LRP5: variants seen among roughly 807,000 people sequenced by gnomAD.
LRP5 encodes low-density lipoprotein receptor-related protein 5.
In LRP5, 62 loss-of-function variants were observed where a neutral mutation model predicts 154.1. That is an observed-to-expected ratio of 0.40 (90% CI 0.33 to 0.50). The LOEUF is 0.50. LRP5 is among the 20% of genes least tolerant of loss of function. The pLI, the probability that LRP5 is intolerant of heterozygous loss-of-function variation, is 0.55. For missense variants in LRP5, 1,915 were observed against 2,336.7 expected (o/e 0.82, Z 3.72); for synonymous variants, 966 against 1,011.5 (o/e 0.96, Z 0.85).
intron 10 of LRP5, 49 bp downstream of exon 10, chr11:68,410,189 C>T: frequency 1.3e-6 from 2 of 1,508,990 alleles, no homozygotes; most frequent in Non-Finnish European, 1.8e-6. Context: ...TCGTATGAGA[C>T]AGTGCGGGGG....
At chr11:68,421,628 C>T (rs1277573025) in intron 13 of LRP5, among the ~76,000 whole-genome samples, 4 of 151,982 alleles carry the variant, frequency 2.6e-5, no homozygotes, top group Non-Finnish European at 5.9e-5. Context: ...TCTACAAAGA[C>T]ACATGATCCT....
chr11:68,396,486 A>G (rs563398811), intron 7 of LRP5, among the ~76,000 whole-genome samples: 11 of 152,308 alleles, frequency 7.2e-5, no homozygotes, highest in African/African-American at 2.6e-4. Flanking sequence ...CCAGGTTTTC[A>G]GCATCCAGTG....
At chr11:68,439,642 G>A (rs2153181876) in intron 20 of LRP5, 135 bp from the exon 21 acceptor site, 5 of 933,728 alleles carry the variant, frequency 5.4e-6, no homozygotes, top group East Asian at 5.3e-5. Context: ...AGGGAGCGGG[G>A]CACATTTCCA....
intron 1 of LRP5, among the ~76,000 whole-genome samples, chr11:68,334,994 C>T (rs2098604869): frequency 6.6e-6 from 1 of 151,902 alleles, no homozygotes; most frequent in African/African-American, 2.4e-5. Context: ...TGAACCATTG[C>T]TCCTAGGGGA....
rs144040425 is a variant in LRP5, at chr11:68,363,807, T to A, written c.747T>A (p.Thr249=). ...HPFALTLSGD[T]LYWTDWQTRS... is the part of the protein sequence containing the mutation. ...TCGCCCTGACGCTCTCCGGGGACACTCTGTACTGGACAGACTGGCAGACCC... is the reference window on the plus strand; with the variant it reads ...TCGCCCTGACGCTCTCCGGGGACACACTGTACTGGACAGACTGGCAGACCC... Residue 249 remains threonine, a synonymous_variant, in exon 4 of 23, where the codon ACT becomes ACA. Coordinates refer to ENST00000294304, the MANE Select transcript of LRP5 (RefSeq NM_002335.4). The A allele has an allele frequency of 1.2e-6, 2 of 1,612,846 alleles. No individual in the cohort carries two copies. The highest frequency in any genetic ancestry group is 2.7e-5 in the African/African-American group (2 of 74,702).
At chr11:68,313,835 A>C (rs1259269597) in intron 1 of LRP5, among the ~76,000 whole-genome samples, 1 of 152,236 alleles carries the variant, frequency 6.6e-6, no homozygotes, top group Non-Finnish European at 1.5e-5. Context: ...TAAGGCAAAC[A>C]GCTGTCTCCC....
intron 6 of LRP5, among the ~76,000 whole-genome samples, chr11:68,389,269 C>T (rs1416237282): frequency 2.7e-5 from 2 of 73,772 alleles, no homozygotes; most frequent in African/African-American, 9.7e-5. Flanking sequence ...TTTACCAACA[C>T]TGACATTTAC....
At chr11:68,409,044 A>G (rs6591339) in intron 9 of LRP5, among the ~76,000 whole-genome samples, 85,830 of 118,304 alleles carry the variant, frequency 0.73, 31,674 homozygotes, top group South Asian at 0.85. Context: ...AGCAAGACTT[A>G]TCTGGGGAAA....
chr11:68,387,266 C>T (rs2098643591), intron 6 of LRP5, among the ~76,000 whole-genome samples: 1 of 152,130 alleles, frequency 6.6e-6, no homozygotes, highest in African/African-American at 2.4e-5. Context: ...AGGTGCCTGC[C>T]ACTGTGCTTG....
At chr11:68,300,442 G>A in the LRP5 span, among the ~76,000 whole-genome samples, 3 of 149,246 alleles carry the variant, frequency 2.0e-5, 1 homozygote, top group Non-Finnish European at 4.5e-5. Context: ...CATTAAGGTG[G>A]GACATTCTGC....
At chr11:68,446,924 T>C (rs2098681762) in intron 22 of LRP5, 1 of 347,454 alleles carries the variant, frequency 2.9e-6, no homozygotes. Flanking sequence ...TCTGTCCTCT[T>C]AGGATGGGAC....
At chr11:68,382,579 G>A (rs555929972) in intron 5 of LRP5, among the ~76,000 whole-genome samples, 3 of 152,234 alleles carry the variant, frequency 2.0e-5, no homozygotes, top group Non-Finnish European at 2.9e-5. Flanking sequence ...AGTCTGTTTC[G>A]TCCACCCCTC....
intron 5 of LRP5, among the ~76,000 whole-genome samples, chr11:68,379,691 A>G (rs1363793057): frequency 1.3e-5 from 2 of 152,230 alleles, no homozygotes; most frequent in Non-Finnish European, 2.9e-5. Context: ...TTTAAACAAC[A>G]TTAATAGACT....
At chr11:68,351,270 C>A (rs1312042608) in intron 2 of LRP5, among the ~76,000 whole-genome samples, 1 of 152,066 alleles carries the variant, frequency 6.6e-6, no homozygotes, top group Admixed American at 6.5e-5. Flanking sequence ...CCTCGCTGCC[C>A]TCCGAGTGGG....
intron 7 of LRP5, among the ~76,000 whole-genome samples, chr11:68,399,210 AT>A (rs1225621617): frequency 6.6e-6 from 1 of 151,988 alleles, no homozygotes; most frequent in Non-Finnish European, 1.5e-5. Flanking sequence ...TCTTAAAAAT[AT>A]ATATTTAAAA....
chr11:68,358,919 A>T (rs999474443), intron 3 of LRP5, among the ~76,000 whole-genome samples: 1 of 152,174 alleles, frequency 6.6e-6, no homozygotes, highest in Non-Finnish European at 1.5e-5. Context: ...CCAGGCAGGG[A>T]TGTGGCAGGT....
rs1339305831 is a variant in LRP5, at chr11:68,438,607, G to A, written c.4273G>A (p.Glu1425Lys). ...YAGANGPFPH[E>K]YVSGTPHVPL... ...GGGGGCCAACGGGCCCTTCCCGCACGAGTATGTCAGCGGGACCCCGCACGT... is the reference window on the plus strand; with the variant it reads ...GGGGGCCAACGGGCCCTTCCCGCACAAGTATGTCAGCGGGACCCCGCACGT... Residue 1425 changes from glutamate to lysine, a missense_variant, in exon 20 of 23, where the codon GAG becomes AAG. By Grantham distance (56) the Glu-to-Lys change is moderately conservative (BLOSUM62 1). Transcript: ENST00000294304. The A allele has an allele frequency of 5.0e-6, 8 of 1,613,730 alleles. No homozygotes were observed. The highest frequency in any genetic ancestry group is 1.1e-5 in the South Asian group (1 of 91,080).
rs911000449 is a variant in LRP5, at chr11:68,403,592, G to A, written c.1694G>A (p.Arg565His). 10 of 1,614,052 alleles carry A rather than the reference G, an allele frequency of 6.2e-6. No individual in the cohort carries two copies. The highest frequency in any genetic ancestry group is 2.7e-5 in the African/African-American group (2 of 74,938). Residue 565 changes from arginine to histidine, a missense_variant, in exon 8 of 23, where the codon CGC becomes CAC. Arg to His is a conservative substitution (Grantham distance 29). Transcript: ENST00000294304. ...GDFIYWTDWQ[R>H]RSIERVHKVK... ...TTCATCTACTGGACTGACTGGCAGC[G>A]CCGCAGCATCGAGCGGGTGCACAAG...
intron 12 of LRP5, among the ~76,000 whole-genome samples, chr11:68,414,725 C>T (rs1355046224): frequency 6.6e-6 from 1 of 152,216 alleles, no homozygotes; most frequent in South Asian, 2.1e-4. Context: ...TCTTTGTCAT[C>T]CAGGCCCCGT....
Sources: gnomAD v4.1 joint callset for allele counts (sites outside exome capture counted in the v4.1 genomes callset) on GRCh38, gnomAD v4.1.1 for gene constraint, MANE v1.5 for transcripts, NCBI Gene and HGNC (gene_info 2026-07-23, HGNC 2026-07-21) for gene names.